The following CTNND2 variants were observed in gnomAD, a reference collection of about 807,000 sequenced individuals.
The protein encoded by CTNND2 is catenin delta 2.
Under a neutral mutation model 144.4 loss-of-function variants are expected in CTNND2, and 22 were observed. That is an observed-to-expected ratio of 0.15 (90% CI 0.11 to 0.22). CTNND2 has a LOEUF of 0.22. Ranked by LOEUF, CTNND2 falls within the 10% of genes least tolerant of loss-of-function variation. The probability of loss-of-function intolerance (pLI) is 1.00; values close to 1 mark genes in which losing one functional copy is unlikely to be tolerated. For synonymous variants in CTNND2, 751 were observed against 695.6 expected, an observed-to-expected ratio of 1.08 and a Z score of -1.25; for missense variants, 1,353 against 1,618.8, an observed-to-expected ratio of 0.84 and a Z score of 2.82.
At chr5:11,893,366 A>G (rs766491875) in intron 1 of CTNND2, among the ~76,000 whole-genome samples, 1 of 152,232 alleles carries the variant, frequency 6.6e-6, no homozygotes, top group Non-Finnish European at 1.5e-5. Context: ...GGGACAGATT[A>G]TCTAGCGCTG....
At chr5:11,768,028 TA>T (rs1789697069) in intron 1 of CTNND2, among the ~76,000 whole-genome samples, 2 of 152,172 alleles carry the variant, frequency 1.3e-5, no homozygotes, top group Admixed American at 1.3e-4. Flanking sequence ...TTTCCACTAA[TA>T]ATCCAAAATG....
intron 3 of CTNND2, among the ~76,000 whole-genome samples, chr5:11,471,063 C>T (rs375121427): frequency 1.3e-5 from 2 of 148,996 alleles, no homozygotes; most frequent in African/African-American, 4.9e-5. Context: ...CTGCAACCAC[C>T]GCCTCCCAGG....
chr5:11,089,207 T>G (rs1475180532), intron 15 of CTNND2, among the ~76,000 whole-genome samples: 1 of 152,218 alleles, frequency 6.6e-6, no homozygotes, highest in Non-Finnish European at 1.5e-5. Context: ...CTTATCTCGC[T>G]TGGGTATTTG....
At chr5:11,618,342 G>T (rs915474217) in intron 2 of CTNND2, among the ~76,000 whole-genome samples, 1 of 152,094 alleles carries the variant, frequency 6.6e-6, no homozygotes, top group Non-Finnish European at 1.5e-5. Context: ...AAAAATATGC[G>T]CAATTTTGCT....
intron 3 of CTNND2, among the ~76,000 whole-genome samples, chr5:11,475,160 T>C (rs1335736896): frequency 6.6e-6 from 1 of 152,216 alleles, no homozygotes; most frequent in Non-Finnish European, 1.5e-5. Context: ...TTCACATTCA[T>C]AGCCTGTGAG....
intron 3 of CTNND2, among the ~76,000 whole-genome samples, chr5:11,471,071 A>G (rs1231728310): frequency 6.7e-6 from 1 of 148,314 alleles, no homozygotes; most frequent in Non-Finnish European, 1.5e-5. Context: ...ACCGCCTCCC[A>G]GGTTCAAACC....
chr5:11,284,250 A>C (rs1747491426), intron 9 of CTNND2, among the ~76,000 whole-genome samples: 1 of 152,124 alleles, frequency 6.6e-6, no homozygotes, highest in Non-Finnish European at 1.5e-5. Context: ...AAGGTTATGC[A>C]GGGCCTATCT....
At chr5:11,742,172 C>T (rs1248715820) in intron 1 of CTNND2, among the ~76,000 whole-genome samples, 1 of 152,056 alleles carries the variant, frequency 6.6e-6, no homozygotes, top group Non-Finnish European at 1.5e-5. Context: ...TGTAACCAAC[C>T]ACCACCTGTT....
intron 11 of CTNND2, among the ~76,000 whole-genome samples, chr5:11,186,029 C>T (rs537591635): frequency 1.6e-4 from 24 of 152,336 alleles, no homozygotes; most frequent in African/African-American, 5.3e-4. Context: ...ATTTCAATCT[C>T]GGCAAATACA....
chr5:11,296,801 G>A (rs749219518), intron 9 of CTNND2, among the ~76,000 whole-genome samples: 5 of 152,132 alleles, frequency 3.3e-5, no homozygotes, highest in Non-Finnish European at 5.9e-5. Flanking sequence ...CATGGACACA[G>A]GAAGGGGAAC....
At chr5:11,461,070 C>G (rs965672563) in intron 3 of CTNND2, among the ~76,000 whole-genome samples, 2 of 151,940 alleles carry the variant, frequency 1.3e-5, no homozygotes, top group Non-Finnish European at 2.9e-5. Context: ...CCTCCCTTCA[C>G]TTTCCCCGCT....
intron 8 of CTNND2, among the ~76,000 whole-genome samples, chr5:11,361,946 C>G (rs969222357): frequency 1.3e-5 from 2 of 152,188 alleles, no homozygotes; most frequent in African/African-American, 4.8e-5. Context: ...ACTGAAAGAC[C>G]TCCACCTGGT....
chr5:11,830,667 G>T (rs948995732), intron 1 of CTNND2, among the ~76,000 whole-genome samples: 3 of 152,052 alleles, frequency 2.0e-5, no homozygotes, highest in African/African-American at 4.8e-5. Context: ...GGACTAGTAC[G>T]GACTCCACGC....
At chr5:11,650,117 G>A (rs1011071464) in intron 2 of CTNND2, among the ~76,000 whole-genome samples, 1 of 152,188 alleles carries the variant, frequency 6.6e-6, no homozygotes, top group Non-Finnish European at 1.5e-5. Flanking sequence ...GAGGGGCCTG[G>A]TGGAACATGA....
intron 11 of CTNND2, among the ~76,000 whole-genome samples, chr5:11,197,460 T>C (rs1458458650): frequency 6.6e-6 from 1 of 152,138 alleles, no homozygotes; most frequent in African/African-American, 2.4e-5. Context: ...GACATGACAG[T>C]GGGTGCAAAC....
intron 5 of CTNND2, among the ~76,000 whole-genome samples, chr5:11,404,849 A>G (rs867039648): frequency 4.5e-4 from 69 of 152,110 alleles, no homozygotes; most frequent in African/African-American, 1.5e-3. Flanking sequence ...ACCTCAAGTG[A>G]TCTGCCTGCC....
chr5:11,728,263 G>A (rs1016518188), intron 2 of CTNND2, among the ~76,000 whole-genome samples: 24 of 151,966 alleles, frequency 1.6e-4, no homozygotes, highest in Non-Finnish European at 3.1e-4. Flanking sequence ...ATGAGGTCAG[G>A]AGTTTGAGAC....
chr5:11,250,873 G>A (rs76028544), intron 9 of CTNND2, among the ~76,000 whole-genome samples: 13 of 152,162 alleles, frequency 8.5e-5, no homozygotes, highest in Admixed American at 1.3e-4. Context: ...GATGGAAGAC[G>A]TTTGACTACA....
At chr5:11,159,786 T>C (rs1758586103) in intron 11 of CTNND2, 27 bp from the exon 12 acceptor site, 1 of 1,522,202 alleles carries the variant, frequency 6.6e-7, no homozygotes, top group East Asian at 2.4e-5. Flanking sequence ...AAAAGAGGTT[T>C]TGGGTGGCCA....
Sources: allele counts gnomAD v4.1 joint callset (sites outside exome capture counted in the v4.1 genomes callset), GRCh38; gene constraint gnomAD v4.1.1; transcripts MANE v1.5; gene names NCBI Gene and HGNC (gene_info 2026-07-23, HGNC 2026-07-21).